MYO15A: variants seen among roughly 807,000 people sequenced by gnomAD.
The protein encoded by MYO15A is unconventional myosin-XV.
Under a neutral mutation model 394.6 loss-of-function variants are expected in MYO15A, and 308 were observed. That is an observed-to-expected ratio of 0.78 (90% CI 0.71 to 0.86). MYO15A has a LOEUF of 0.86. Ranked by LOEUF, MYO15A falls within the 40% of genes least tolerant of loss-of-function variation. MYO15A has a pLI of 0.00. For missense variants in MYO15A, 4,606 were observed against 4,799.1 expected (o/e 0.96, Z 1.19); for synonymous variants, 1,957 against 2,003.8 (o/e 0.98, Z 0.62).
At chr17:18,125,133 G>C in intron 3 of MYO15A, 35 bp from the exon 4 acceptor site, 1 of 1,606,534 alleles carries the variant, frequency 6.2e-7, no homozygotes, top group Non-Finnish European at 8.5e-7. Context: ...AACCAGCCCT[G>C]GGGGCACTGA....
At position 18,119,893 on chromosome 17, in the gene MYO15A, G is replaced by A. The variant is rs1165128799; in HGVS notation, c.1093G>A (p.Asp365Asn). Residue 365 changes from aspartate (D) to asparagine (N), a missense_variant, in exon 2 of 66, where the codon GAT becomes AAT. Transcript: ENST00000647165. ...TGACCTCCCATACCACACTCCCTAC[G>A]ATGTACCCTACTTTGATCCCTACGG... ...PYDLPYHTPY[D>N]VPYFDPYGVH... 5 of 1,613,112 alleles carry A rather than the reference G, an allele frequency of 3.1e-6. No individual in the cohort carries two copies. The highest frequency in any genetic ancestry group is 1.3e-5 in the African/African-American group (1 of 74,888).
chr17:18,127,250 T>G (rs1442595256), intron 7 of MYO15A, 85 bp downstream of exon 7: 2 of 1,494,706 alleles, frequency 1.3e-6, no homozygotes, highest in African/African-American at 2.8e-5. Flanking sequence ...GCAAGGCTCC[T>G]TGGCCCACCA....
chr17:18,114,241 CTTTTTTTTTTTT>C (rs10583154), intron 1 of MYO15A, among the ~76,000 whole-genome samples: 4 of 55,598 alleles, frequency 7.2e-5, no homozygotes, highest in East Asian at 5.2e-4. Flanking sequence ...ACAGTCCTGT[CTTTTTTTTTTTT>C]TTTTTTTTTT....
rs765087398 is a variant in MYO15A at position 18,119,151 on chromosome 17, CGGCCGCCTG to C, written c.352_360del (p.Gly118_Leu120del). The C allele has an allele frequency of 6.2e-6, 10 of 1,607,880 alleles. No homozygotes were observed. The highest frequency in any genetic ancestry group is 8.5e-6 in the Non-Finnish European group (10 of 1,176,648). ...TCCGCTTCCCAGGCCGCCGTGGCTA[CGGCCGCCTG>C]CGGCCGCGCGCCCGGTCACTCAGCA... On this transcript the variant is annotated inframe_deletion, in exon 2 of 66. Coordinates refer to ENST00000647165, the MANE Select transcript of MYO15A (RefSeq NM_016239.4).
At position 18,119,235 on chromosome 17, in the gene MYO15A, G is replaced by A. The variant is rs1258761755; in HGVS notation, c.435G>A (p.Lys145=). 2.5e-6 allele frequency: 4 copies of A among 1,612,490 alleles called. No homozygotes were observed. Among genetic ancestry groups the A allele is most frequent in the Middle Eastern group, 1.6e-4 (1 of 6,062 alleles). Residue 145 remains lysine (K), a synonymous_variant, in exon 2 of 66, where the codon AAG becomes AAA. Transcript: ENST00000647165. ...TCACAAAAAAGTTCCTCCTCAAGAA[G>A]GCCGAGGAGTCGGGCAGCGAACAGG... ...NWLTKKFLLK[K]AEESGSEQAT... is the part of the protein sequence containing the mutation.
chr17:18,141,068 CA>C lies in MYO15A; in HGVS notation c.5457del (p.Val1821CysfsTer5). 1 of 1,614,076 alleles carries C rather than the reference CA, an allele frequency of 6.2e-7. No homozygotes were observed. The highest frequency in any genetic ancestry group is 8.5e-7 in the Non-Finnish European group (1 of 1,180,040). ...PDVVMAQLRY[S>X]GVLETVRIRK... The stretch of plus-strand genomic sequence containing the variant: ...GTGGTAATGGCACAATTACGCTATT[CA>C]GGGGTGCTGGAGACCGTGAGGATCC... On this transcript the variant is annotated frameshift_variant, in exon 22 of 66. Transcript: ENST00000647165. LOFTEE classifies it high-confidence loss of function.
Position 18,172,229 on chromosome 17 carries a change from C to A in MYO15A, c.10289C>A (p.Pro3430Gln). Reference protein sequence around the residue: ...FIQSCSNIAVPAPCILAINHN... With the variant: ...FIQSCSNIAVQAPCILAINHN... ...CAGAGCTGCAGCAACATTGCTGTGC[C>A]AGCCCCTTGCATCCTTGCCATCAAC... Residue 3430 changes from proline to glutamine, a missense_variant, in exon 64 of 66, where the codon CCA becomes CAA. By Grantham distance (76) the Pro-to-Gln change is moderately conservative. This residue lies in a region of MYO15A where 2,776 missense variants were observed against 3,109.3 expected (regional missense o/e 0.89). Transcript: ENST00000647165. 1 of 1,614,246 alleles carries A rather than the reference C, an allele frequency of 6.2e-7. No homozygotes were observed. The highest frequency in any genetic ancestry group is 8.5e-7 in the Non-Finnish European group (1 of 1,180,052).
chr17:18,126,743 T>G (rs1238755350), intron 5 of MYO15A, 48 bp from the exon 6 acceptor site: 5 of 1,579,050 alleles, frequency 3.2e-6, no homozygotes, highest in Non-Finnish European at 4.4e-6. Flanking sequence ...CCCTGGGAGG[T>G]GTGGGAGCTT....
chr17:18,119,941 G>A lies in MYO15A; in HGVS notation c.1141G>A (p.Ala381Thr), dbSNP rs1567620837. 1 of 1,613,626 alleles carries A rather than the reference G, an allele frequency of 6.2e-7. No individual in the cohort carries two copies. The change falls in exon 2 of 66, where the codon GCC becomes ACC. Residue 381 changes from alanine (A) to threonine (T), a missense_variant. Coordinates refer to ENST00000647165, the MANE Select transcript of MYO15A (RefSeq NM_016239.4). ...CGGAGTCCACTACACCGTCCCCTAT[G>A]CCGAAGGCGTCTATGGCGGTGGGGA... ...PYGVHYTVPY[A>T]EGVYGGGDEA...
rs1293095516 is a variant in MYO15A at position 18,158,565 on chromosome 17, G to A, written c.9010G>A (p.Ala3004Thr). 1 of 1,614,152 alleles carries A rather than the reference G, an allele frequency of 6.2e-7. No individual in the cohort carries two copies. ...CCGCTCTGCTGACCATGGGGAGGACGCCCTGGCGCTCCCACCCTACACAAT... is the reference window on the plus strand; with the variant it reads ...CCGCTCTGCTGACCATGGGGAGGACACCCTGGCGCTCCCACCCTACACAAT... Reference protein sequence around the residue: ...RARSADHGEDALALPPYTMLE... With the variant: ...RARSADHGEDTLALPPYTMLE... Residue 3004 changes from alanine (A) to threonine (T), a missense_variant, in exon 52 of 66, where the codon GCC becomes ACC. Coordinates refer to ENST00000647165, the MANE Select transcript of MYO15A (RefSeq NM_016239.4).
At chr17:18,111,341 G>GA (rs57095827) in intron 1 of MYO15A, among the ~76,000 whole-genome samples, 199 of 118,910 alleles carry the variant, frequency 1.7e-3, no homozygotes, top group Non-Finnish European at 2.4e-3. Context: ...TCTCAAAAGA[G>GA]AAAAAAAAAA....
intron 8 of MYO15A, 61 bp from the exon 9 acceptor site, chr17:18,131,178 C>G (rs1023028942): frequency 8.8e-6 from 13 of 1,483,310 alleles, no homozygotes; most frequent in African/African-American, 4.2e-5. Flanking sequence ...CTATGCCCCC[C>G]ACCCAGGCCC....
intron 62 of MYO15A, among the ~76,000 whole-genome samples, chr17:18,169,115 A>AAATAATAATAAT (rs368379543): frequency 3.6e-4 from 46 of 128,494 alleles, no homozygotes; most frequent in East Asian, 1.4e-3. Flanking sequence ...CTCCATCTCA[A>AAATAATAATAAT]AATAATAATA....
At chr17:18,154,830 CTG>C in intron 45 of MYO15A, 75 bp downstream of exon 45, 1 of 1,504,930 alleles carries the variant, frequency 6.6e-7, no homozygotes. Flanking sequence ...CAGAGGGAGA[CTG>C]AGGCTGACAA....
At chr17:18,137,248 G>A (rs9908786) in intron 15 of MYO15A, among the ~76,000 whole-genome samples, 2,311 of 152,354 alleles carry the variant, frequency 0.015, 74 homozygotes, top group African/African-American at 0.053. Context: ...CATCCTTACA[G>A]CAACCCTATG....
At position 18,120,175 on chromosome 17, in the gene MYO15A, G is replaced by T. The variant is rs774390135; in HGVS notation, c.1375G>T (p.Glu459Ter). The change falls in exon 2 of 66, where the codon GAG becomes TAG. Residue 459 changes from glutamate to a stop codon, truncating the protein, a stop_gained. Coordinates refer to ENST00000647165, the MANE Select transcript of MYO15A (RefSeq NM_016239.4). LOFTEE classifies it high-confidence loss of function. ...SFRLPSAAFF[E>*]QQGMDKPARS... Reference sequence around the variant, plus strand: ...CCGCCTGCCCAGCGCCGCCTTCTTCGAGCAGCAAGGCATGGATAAGCCCGC... The same window carrying T: ...CCGCCTGCCCAGCGCCGCCTTCTTCTAGCAGCAAGGCATGGATAAGCCCGC... 1 of 1,612,762 alleles carries T rather than the reference G, an allele frequency of 6.2e-7. No homozygotes were observed. Among genetic ancestry groups the T allele is most frequent in the East Asian group, 2.2e-5 (1 of 44,884 alleles).
Position 18,121,757 on chromosome 17 carries a change from C to G in MYO15A, c.2957C>G (p.Thr986Ser). ...CCTGAGGATCCAGCTGCTGATATGA[C>G]CAGGGTCTTCCTGGGCAGACACCAT... The part of the protein sequence containing the change: ...LQPEDPAADM[T>S]RVFLGRHHEP... Residue 986 changes from threonine to serine, a missense_variant, in exon 2 of 66, where the codon ACC becomes AGC. Thr to Ser is a moderately conservative substitution (Grantham distance 58). Transcript: ENST00000647165. The surrounding 1 kb of genome is among the most constrained non-coding windows in gnomAD (Gnocchi z 5.3). 2 of 1,607,168 alleles carry G rather than the reference C, an allele frequency of 1.2e-6. No individual in the cohort carries two copies. The highest frequency in any genetic ancestry group is 1.7e-6 in the Non-Finnish European group (2 of 1,176,496).
At position 18,157,919 on chromosome 17, in the gene MYO15A, G is replaced by C; in HGVS notation, c.8967+19G>C. The C allele has an allele frequency of 6.9e-7, 1 of 1,451,886 alleles. No individual in the cohort carries two copies. Among genetic ancestry groups the C allele is most frequent in the Non-Finnish European group, 9.0e-7 (1 of 1,105,158 alleles). 89.9% of individuals were successfully genotyped at this position (1,451,886 alleles called of 1,614,324 possible). A position where few individuals can be genotyped will look rare whatever the true frequency, so the allele number is the denominator to read the frequency against. On this transcript the variant is annotated intron_variant, in intron 51 of 65. Transcript: ENST00000647165. ...GAGAGAGGTGAGACCAGTGTGGGTG[G>C]GGTGGGGCGGGGTAGACCAGGGGGA...
rs1367828749 is a variant in MYO15A at position 18,121,747 on chromosome 17, G to A, written c.2947G>A (p.Ala983Thr). The A allele has an allele frequency of 6.2e-7, 1 of 1,603,072 alleles. No homozygotes were observed. Among genetic ancestry groups the A allele is most frequent in the Admixed American group, 1.7e-5 (1 of 59,284 alleles). ...CACCCTCCAGCCTGAGGATCCAGCT[G>A]CTGATATGACCAGGGTCTTCCTGGG... Reference protein sequence around the residue: ...SPTLQPEDPAADMTRVFLGRH... With the variant: ...SPTLQPEDPATDMTRVFLGRH... The change falls in exon 2 of 66, where the codon GCT (alanine) becomes ACT (threonine). Residue 983 changes from alanine (A) to threonine (T), a missense_variant. Physicochemically the swap from Ala to Thr is moderately conservative, Grantham distance 58 (BLOSUM62 0). This residue lies in a region of MYO15A where 1,830 missense variants were observed against 1,689.7 expected (regional missense o/e 1.08). Coordinates refer to ENST00000647165, the MANE Select transcript of MYO15A (RefSeq NM_016239.4). This position sits in a 1 kb window ranked among gnomAD's most constrained non-coding sequence, Gnocchi z 5.3.
Sources: gnomAD v4.1 joint callset for allele counts (sites outside exome capture counted in the v4.1 genomes callset) on GRCh38, gnomAD v4.1.1 for gene constraint, gnomAD v4.1.1 regional missense constraint, Gnocchi (gnomAD v3.1) non-coding constraint, MANE v1.5 for transcripts, NCBI Gene and HGNC (gene_info 2026-07-23, HGNC 2026-07-21) for gene names.